Variants in STAU2 observed in about 807,000 individuals in gnomAD.
The protein encoded by STAU2 is double-stranded RNA-binding protein Staufen homolog 2.
In STAU2, 20 loss-of-function variants were observed where a neutral mutation model predicts 65.9. The ratio of observed to expected loss-of-function variants is 0.30; its 90% confidence interval spans 0.21 to 0.44. The LOEUF (loss-of-function observed/expected upper bound fraction) is 0.44. Ranked by LOEUF, STAU2 falls within the 20% of genes least tolerant of loss-of-function variation. STAU2 has a pLI of 1.00. For missense variants in STAU2, 558 were observed against 683.9 expected, an observed-to-expected ratio of 0.82 and a Z score of 2.05; for synonymous variants, 232 against 233.9, an observed-to-expected ratio of 0.99 and a Z score of 0.07.
At chr8:73,571,691 G>C (rs1163490032) in intron 12 of STAU2, among the ~76,000 whole-genome samples, 1 of 152,180 alleles carries the variant, frequency 6.6e-6, no homozygotes, top group African/African-American at 2.4e-5. Flanking sequence ...GATGTTCTTT[G>C]AAACCAATGA....
At chr8:73,633,699 G>A (rs1375121563) in intron 6 of STAU2, among the ~76,000 whole-genome samples, 1 of 152,144 alleles carries the variant, frequency 6.6e-6, no homozygotes, top group Non-Finnish European at 1.5e-5. Flanking sequence ...AGACCACTGA[G>A]GCCAGGCACG....
At chr8:73,427,694 T>C (rs1816928115) in intron 13 of STAU2, among the ~76,000 whole-genome samples, 1 of 152,238 alleles carries the variant, frequency 6.6e-6, no homozygotes, top group Non-Finnish European at 1.5e-5. Context: ...CGTGGGGCGC[T>C]AAAGGCCAGG....
chr8:73,641,970 T>C (rs186753086), intron 6 of STAU2, among the ~76,000 whole-genome samples: 3 of 152,304 alleles, frequency 2.0e-5, no homozygotes, highest in Admixed American at 6.5e-5. Flanking sequence ...CACAACACTA[T>C]GAACTTCCTC....
chr8:73,576,677 T>A (rs571489050), intron 12 of STAU2, among the ~76,000 whole-genome samples: 4 of 152,154 alleles, frequency 2.6e-5, no homozygotes, highest in Admixed American at 6.5e-5. Context: ...ACGTTATGCA[T>A]CAAATATTGC....
chr8:73,621,488 A>G (rs1813230635), intron 6 of STAU2, among the ~76,000 whole-genome samples: 1 of 152,168 alleles, frequency 6.6e-6, no homozygotes, highest in South Asian at 2.1e-4. Flanking sequence ...TGATGTACAT[A>G]TTTTTACAAA....
Position 73,561,004 on chromosome 8 carries a change from T to A in STAU2, c.1223-8685A>T, listed in dbSNP as rs565557850. Reference sequence around the variant, plus strand: ...AAATTCATCATTCATCTTTTTTTTTTAAACCTTACACAAATGCAGTAACTT... The same window carrying A: ...AAATTCATCATTCATCTTTTTTTTTAAAACCTTACACAAATGCAGTAACTT... On this transcript the variant is annotated intron_variant, in intron 12 of 14. Transcript: ENST00000524300. Among the ~76,000 whole-genome samples, 6 of 152,192 alleles carry A rather than the reference T, an allele frequency of 3.9e-5. No homozygotes were observed. In the South Asian group the frequency reaches 8.3e-4, roughly 21 times the overall value.
chr8:73,441,188 C>T (rs1395971491), intron 13 of STAU2: 2 of 152,244 alleles, frequency 1.3e-5, no homozygotes, highest in African/African-American at 4.8e-5. Context: ...TTATTGCTGT[C>T]TAAAATTCTA....
chr8:73,494,721 A>G lies in STAU2; in HGVS notation c.1530+57291T>C, dbSNP rs572626580. Reference sequence around the variant, plus strand: ...CACCACCTTCTATTAAAAATCTACAACATGGCTCAGAGCAGAGACTCTTTT... The same window carrying G: ...CACCACCTTCTATTAAAAATCTACAGCATGGCTCAGAGCAGAGACTCTTTT... On this transcript the variant is annotated intron_variant, in intron 13 of 14. Coordinates refer to ENST00000524300, the MANE Select transcript of STAU2 (RefSeq NM_001164380.2). 3.4e-4 allele frequency among the ~76,000 whole-genome samples: 52 copies of G among 151,870 alleles called. No individual in the cohort carries two copies. In the South Asian group the frequency reaches 0.011, roughly 31 times the overall value.
intron 3 of STAU2, among the ~76,000 whole-genome samples, chr8:73,726,566 C>T (rs1805649290): frequency 6.6e-6 from 1 of 152,108 alleles, no homozygotes; most frequent in Non-Finnish European, 1.5e-5. Flanking sequence ...TTAGTCCTTC[C>T]ACCCTGTGCT....
At chr8:73,636,361 A>C (rs564405782) in intron 6 of STAU2, among the ~76,000 whole-genome samples, 1 of 151,744 alleles carries the variant, frequency 6.6e-6, no homozygotes, top group East Asian at 2.0e-4. Flanking sequence ...TGGGTGACAG[A>C]GTGAGGGCCT....
intron 11 of STAU2, among the ~76,000 whole-genome samples, chr8:73,584,612 G>A (rs1810233328): frequency 6.6e-6 from 1 of 152,108 alleles, no homozygotes; most frequent in African/African-American, 2.4e-5. Context: ...GAGTAATCAT[G>A]CTACCTTTGT....
intron 13 of STAU2, among the ~76,000 whole-genome samples, chr8:73,537,916 A>T (rs111471072): frequency 0.011 from 1,718 of 152,324 alleles, 33 homozygotes; most frequent in African/African-American, 0.038. Flanking sequence ...CATGAAGAGC[A>T]CTAAGATGGG....
intron 12 of STAU2, among the ~76,000 whole-genome samples, chr8:73,570,692 G>C (rs1430514772): frequency 2.0e-5 from 3 of 152,148 alleles, no homozygotes; most frequent in African/African-American, 7.2e-5. Flanking sequence ...TTTAAGGGCA[G>C]CCAGAGAGAA....
chr8:73,479,962 T>C (rs1210372435), intron 13 of STAU2, among the ~76,000 whole-genome samples: 2 of 151,968 alleles, frequency 1.3e-5, no homozygotes, highest in African/African-American at 4.8e-5. Context: ...CTCCAGTCTT[T>C]CCCTCCTTGG....
At chr8:73,669,477 A>G (rs1817498814) in intron 6 of STAU2, among the ~76,000 whole-genome samples, 1 of 152,178 alleles carries the variant, frequency 6.6e-6, no homozygotes, top group Non-Finnish European at 1.5e-5. Flanking sequence ...AAAATTTAGA[A>G]AAGAAAAAAA....
intron 6 of STAU2, among the ~76,000 whole-genome samples, chr8:73,642,431 G>A (rs1209114373): frequency 6.6e-6 from 1 of 152,122 alleles, no homozygotes; most frequent in African/African-American, 2.4e-5. Flanking sequence ...GCTGAGGTAG[G>A]AGAATCTCTT....
intron 6 of STAU2, among the ~76,000 whole-genome samples, chr8:73,662,633 T>TGTTGTTGTTGTTTC (rs1388660324): frequency 1.3e-5 from 2 of 152,160 alleles, no homozygotes; most frequent in East Asian, 3.9e-4. Flanking sequence ...GTTGTTGTTT[T>TGTTGTTGTTGTTTC]TGAGACAGAG....
chr8:73,568,440 G>A (rs1230090629), intron 12 of STAU2, among the ~76,000 whole-genome samples: 2 of 152,072 alleles, frequency 1.3e-5, no homozygotes, highest in Admixed American at 6.6e-5. Flanking sequence ...GTCTCTAGTC[G>A]GGGGAGTGGG....
At chr8:73,424,167 C>T (rs1413548454) in intron 13 of STAU2, among the ~76,000 whole-genome samples, 8 of 140,438 alleles carry the variant, frequency 5.7e-5, no homozygotes, top group African/African-American at 2.1e-4. Context: ...TTGGCTTTTT[C>T]ACTTAGCAAT....
Sources: allele counts gnomAD v4.1 joint callset (sites outside exome capture counted in the v4.1 genomes callset), GRCh38; gene constraint gnomAD v4.1.1; transcripts MANE v1.5; gene names NCBI Gene and HGNC (gene_info 2026-07-23, HGNC 2026-07-21).